Variants in POMP observed in about 807,000 individuals in gnomAD.
The protein encoded by POMP is 2510048O06Rik.
A neutral mutation model predicts 20.6 loss-of-function variants in POMP; 12 were observed. That is an observed-to-expected ratio of 0.58 (90% CI 0.37 to 0.94). The LOEUF (loss-of-function observed/expected upper bound fraction) is 0.94. Ranked by LOEUF, POMP falls within the 40% of genes least tolerant of loss-of-function variation. The probability of loss-of-function intolerance (pLI) is 0.01; values close to 1 mark genes in which losing one functional copy is unlikely to be tolerated. For synonymous variants in POMP, 53 were observed against 55.0 expected (o/e 0.96, Z 0.16); for missense variants, 136 against 161.1 (o/e 0.84, Z 0.84).
intron 1 of POMP, 21 bp downstream of exon 1, chr13:28,659,208 C>G (rs1884287581): frequency 1.3e-6 from 2 of 1,586,660 alleles, no homozygotes; most frequent in South Asian, 2.3e-5. Flanking sequence ...ACCCGGGCGG[C>G]TGGAGTTCCA....
rs1270877972 is a variant in POMP at position 28,662,423 on chromosome 13, T to G, written c.17T>G (p.Leu6Arg). MNARG[L>R]GSELKDSIPV... ...TTTGTGTTGTAGAATGCCAGAGGAC[T>G]TGGATCTGAGCTAAAGGACAGTATT... Residue 6 changes from leucine to arginine, a missense_variant, in exon 2 of 6, where the codon CTT (leucine) becomes CGT (arginine). Physicochemically the swap from Leu to Arg is moderately radical, Grantham distance 102 (BLOSUM62 -2). Coordinates refer to ENST00000380842, the MANE Select transcript of POMP (RefSeq NM_015932.6). 1.2e-6 allele frequency: 2 copies of G among 1,613,282 alleles called. No homozygotes were observed. Among genetic ancestry groups the G allele is most frequent in the Admixed American group, 3.3e-5 (2 of 60,022 alleles).
At chr13:28,675,312 G>C (rs1018505774) in intron 5 of POMP, among the ~76,000 whole-genome samples, 1 of 151,974 alleles carries the variant, frequency 6.6e-6, no homozygotes, top group Non-Finnish European at 1.5e-5. Context: ...GCCTAATTTT[G>C]TATTTTAGTA....
At chr13:28,671,092 G>C (rs1338471028) in intron 4 of POMP, among the ~76,000 whole-genome samples, 1 of 152,120 alleles carries the variant, frequency 6.6e-6, no homozygotes, top group Non-Finnish European at 1.5e-5. Context: ...ACTATCAATT[G>C]TATTTGGCTA....
intron 1 of POMP, among the ~76,000 whole-genome samples, chr13:28,661,982 A>C (rs891509048): frequency 6.6e-6 from 1 of 152,212 alleles, no homozygotes; most frequent in Non-Finnish European, 1.5e-5. Flanking sequence ...AACCTTTCAG[A>C]GGCTTTCAGT....
Position 28,678,259 on chromosome 13 carries a change from A to C in POMP, c.*157A>C, listed in dbSNP as rs1884662114. The C allele has an allele frequency of 2.8e-6, 2 of 717,024 alleles. No individual in the cohort carries two copies. Among genetic ancestry groups the C allele is most frequent in the African/African-American group, 3.5e-5 (2 of 56,626 alleles). 44.4% of individuals were successfully genotyped at this position (717,024 alleles called of 1,614,324 possible). A position where few individuals can be genotyped will look rare whatever the true frequency, so the allele number is the denominator to read the frequency against. The stretch of plus-strand genomic sequence containing the variant: ...AAATTTGGAGGGGTCTTTGGTTTAC[A>C]GCCATGTGACAATTAAAAGCACTAA... On this transcript the variant is annotated 3_prime_UTR_variant, in exon 6 of 6. Coordinates refer to ENST00000380842, the MANE Select transcript of POMP (RefSeq NM_015932.6).
chr13:28,674,035 A>G (rs1471879046), intron 5 of POMP, among the ~76,000 whole-genome samples: 1 of 152,244 alleles, frequency 6.6e-6, no homozygotes, highest in Non-Finnish European at 1.5e-5. Context: ...GAAACATGAA[A>G]TCATTGACCT....
chr13:28,678,294 A>C lies in POMP; in HGVS notation c.*192A>C. The C allele has an allele frequency of 1.7e-6, 1 of 602,874 alleles. No individual in the cohort carries two copies. The highest frequency in any genetic ancestry group is 3.0e-6 in the Non-Finnish European group (1 of 337,450). The allele number at this position is 602,874 out of a possible 1,614,324, so 37.3% of individuals were successfully genotyped here. A position where few individuals can be genotyped will look rare whatever the true frequency, so the allele number is the denominator to read the frequency against. On this transcript the variant is annotated 3_prime_UTR_variant, in exon 6 of 6. Transcript: ENST00000380842. ...CAATTAAAAGCACTAAAGGGAGATC[A>C]TGTTAAAGCTCTTAATTTATATTAA...
At chr13:28,675,465 A>G (rs745813274) in intron 5 of POMP, among the ~76,000 whole-genome samples, 1 of 152,172 alleles carries the variant, frequency 6.6e-6, no homozygotes, top group African/African-American at 2.4e-5. Context: ...TCCACCTGGT[A>G]GATGATTACA....
In POMP at chr13:28,678,099, G is replaced by C. The variant is rs374938538; in HGVS notation, c.423G>C (p.Leu141=). 6.2e-7 allele frequency: 1 copy of C among 1,613,492 alleles called. No homozygotes were observed. Among genetic ancestry groups the C allele is most frequent in the South Asian group, 1.1e-5 (1 of 91,074 alleles). The change falls in exon 6 of 6, where the codon CTG becomes CTC. Residue 141 remains leucine, a synonymous_variant. Transcript: ENST00000380842. ...TGGTGGAATATAAACTTGGTTTACT[G>C]TAATAGTGTGCTGTTCATGGAAACC... is the stretch of plus-strand genomic sequence containing the variant. ...HLMVEYKLGL[L]
intron 3 of POMP, among the ~76,000 whole-genome samples, chr13:28,666,661 A>G (rs2137793701): frequency 6.6e-6 from 1 of 152,316 alleles, no homozygotes; most frequent in South Asian, 2.1e-4. Flanking sequence ...CTTGGGGCAT[A>G]TTGCTTAATT....
In POMP at chr13:28,662,399, T is replaced by C. The variant is rs764152955; in HGVS notation, c.4-11T>C. The C allele has an allele frequency of 6.3e-7, 1 of 1,598,292 alleles. No homozygotes were observed. The highest frequency in any genetic ancestry group is 8.6e-7 in the Non-Finnish European group (1 of 1,166,006). Reference sequence around the variant, plus strand: ...TTTTCTATTTAATAATGTTTTTTATTTGTGTTGTAGAATGCCAGAGGACTT... The same window carrying C: ...TTTTCTATTTAATAATGTTTTTTATCTGTGTTGTAGAATGCCAGAGGACTT... On this transcript the variant is annotated splice_polypyrimidine_tract_variant and intron_variant, in intron 1 of 5. Coordinates refer to ENST00000380842, the MANE Select transcript of POMP (RefSeq NM_015932.6).
chr13:28,667,620 T>A (rs1267878864), intron 3 of POMP, among the ~76,000 whole-genome samples: 1 of 152,206 alleles, frequency 6.6e-6, no homozygotes, highest in Non-Finnish European at 1.5e-5. Flanking sequence ...CTCAATAGAT[T>A]TTTGTTCAAA....
At chr13:28,674,708 A>G (rs920499554) in intron 5 of POMP, among the ~76,000 whole-genome samples, 1 of 152,188 alleles carries the variant, frequency 6.6e-6, no homozygotes, top group Non-Finnish European at 1.5e-5. Flanking sequence ...AGCAGTTTTA[A>G]GTAAGGATGT....
chr13:28,678,252 G>A lies in POMP; in HGVS notation c.*150G>A. ...TCATTTAAAATTTGGAGGGGTCTTT[G>A]GTTTACAGCCATGTGACAATTAAAA... On this transcript the variant is annotated 3_prime_UTR_variant, in exon 6 of 6. Transcript: ENST00000380842. 5.4e-6 allele frequency: 4 copies of A among 745,694 alleles called. No individual in the cohort carries two copies. The South Asian group carries it at 5.9e-5, about 11-fold the overall frequency. 46.2% of individuals were successfully genotyped at this position (745,694 alleles called of 1,614,324 possible). A position where few individuals can be genotyped will look rare whatever the true frequency, so the allele number is the denominator to read the frequency against.
At chr13:28,670,660 A>T (rs1335159186) in intron 4 of POMP, among the ~76,000 whole-genome samples, 1 of 152,138 alleles carries the variant, frequency 6.6e-6, no homozygotes, top group Non-Finnish European at 1.5e-5. Context: ...CAGTTTCCTA[A>T]TTCATTAAGT....
At chr13:28,668,682 C>A in intron 4 of POMP, 108 bp downstream of exon 4, 1 of 863,962 alleles carries the variant, frequency 1.2e-6, no homozygotes, top group Non-Finnish European at 1.9e-6. Flanking sequence ...TATTCTACTT[C>A]CCTCCCCCTT....
intron 4 of POMP, 37 bp downstream of exon 4, chr13:28,668,611 T>C (rs1178004995): frequency 7.6e-6 from 11 of 1,442,876 alleles, no homozygotes; most frequent in Admixed American, 1.7e-5. Context: ...TGTGTCGATA[T>C]CATTCATGAG....
At chr13:28,672,970 A>AT (rs1884574875) in intron 5 of POMP, among the ~76,000 whole-genome samples, 2 of 151,778 alleles carry the variant, frequency 1.3e-5, no homozygotes, top group Non-Finnish European at 2.9e-5. Context: ...TTTGACTAGC[A>AT]TTTTAAACAA....
At chr13:28,675,355 T>C (rs1378824378) in intron 5 of POMP, among the ~76,000 whole-genome samples, 1 of 152,096 alleles carries the variant, frequency 6.6e-6, no homozygotes, top group African/African-American at 2.4e-5. Flanking sequence ...GCCAAGCTGG[T>C]CTCAAATTCC....
Sources: gnomAD v4.1 joint callset for allele counts (sites outside exome capture counted in the v4.1 genomes callset) on GRCh38, gnomAD v4.1.1 for gene constraint, MANE v1.5 for transcripts, NCBI Gene and HGNC (gene_info 2026-07-23, HGNC 2026-07-21) for gene names.